Variants in STK38L observed in about 807,000 individuals in gnomAD.
The protein encoded by STK38L is serine/threonine kinase 38 like.
Under a neutral mutation model 59.7 loss-of-function variants are expected in STK38L, and 28 were observed. The observed-to-expected ratio is 0.47, with a 90% CI of 0.35 to 0.64. The LOEUF is 0.64. STK38L is among the 30% of genes least tolerant of loss of function. STK38L has a pLI of 0.01. For missense variants in STK38L, 314 were observed against 555.8 expected (o/e 0.56, Z 4.37); for synonymous variants, 162 against 176.8 (o/e 0.92, Z 0.66).
At chr12:27,255,106 A>T (rs1943064092) in intron 1 of STK38L, among the ~76,000 whole-genome samples, 1 of 152,236 alleles carries the variant, frequency 6.6e-6, no homozygotes, top group Non-Finnish European at 1.5e-5. Context: ...ACATTTCTGA[A>T]ATGTAGTTAA....
intron 5 of STK38L, among the ~76,000 whole-genome samples, chr12:27,310,183 G>T (rs1944422365): frequency 6.6e-6 from 1 of 152,168 alleles, no homozygotes; most frequent in South Asian, 2.1e-4. Flanking sequence ...AGGAGACAGG[G>T]TTATAGGGGA....
intron 1 of STK38L, among the ~76,000 whole-genome samples, chr12:27,288,470 G>A (rs1286241429): frequency 6.6e-6 from 1 of 152,002 alleles, no homozygotes; most frequent in African/African-American, 2.4e-5. Context: ...GCAAAGGGAA[G>A]GATAGATCCT....
At chr12:27,274,722 G>A (rs76830044) in intron 1 of STK38L, among the ~76,000 whole-genome samples, 9,364 of 152,230 alleles carry the variant, frequency 0.062, 322 homozygotes, top group Middle Eastern at 0.14. Flanking sequence ...AAGACAGAGG[G>A]AGAAATAACT....
At chr12:27,298,606 A>G (rs924884437) in intron 2 of STK38L, among the ~76,000 whole-genome samples, 1 of 152,206 alleles carries the variant, frequency 6.6e-6, no homozygotes, top group Non-Finnish European at 1.5e-5. Context: ...AAGAGTGAAG[A>G]ATATTAAGTA....
Position 27,322,436 on chromosome 12 carries a change from T to A in STK38L, c.1376T>A (p.Met459Lys), listed in dbSNP as rs367624705. 1.7e-5 allele frequency: 27 copies of A among 1,613,008 alleles called. No individual in the cohort carries two copies. The highest frequency in any genetic ancestry group is 2.3e-5 in the Non-Finnish European group (27 of 1,179,704). The change falls in exon 14 of 14, where the codon ATG becomes AAG. Residue 459 changes from methionine to lysine, a missense_variant. Met to Lys is a moderately conservative substitution (Grantham distance 95). Around this residue, in one of 3 missense-constraint regions of STK38L, gnomAD observed 94 missense variants for 142.2 expected, o/e 0.66. Coordinates refer to ENST00000389032, the MANE Select transcript of STK38L (RefSeq NM_015000.4). ...CAACGTGGCTCTATCCCCACCTACA[T>A]GAAAGCTGGGAAGTTATGAATGAAG... The part of the protein sequence containing the change: ...LTQRGSIPTY[M>K]KAGKL
intron 2 of STK38L, among the ~76,000 whole-genome samples, chr12:27,300,790 G>C (rs1944149355): frequency 6.6e-6 from 1 of 152,184 alleles, no homozygotes; most frequent in African/African-American, 2.4e-5. Context: ...CTCCAGTGGG[G>C]TGCTGATGTA....
intron 1 of STK38L, among the ~76,000 whole-genome samples, chr12:27,277,455 TTAAA>T (rs1405089137): frequency 6.6e-5 from 10 of 150,448 alleles, no homozygotes; most frequent in African/African-American, 2.0e-4. Flanking sequence ...CCTCAAAGGG[TTAAA>T]TAGTCTTTAA....
Position 27,325,356 on chromosome 12 carries a change from A to T in STK38L, c.*2901A>T, listed in dbSNP as rs1051837215. The T allele has an allele frequency of 3.9e-5, 6 of 152,138 alleles. No individual in the cohort carries two copies. Among genetic ancestry groups the T allele is most frequent in the Admixed American group, 2.0e-4 (3 of 15,280 alleles). 9.4% of individuals were successfully genotyped at this position (152,138 alleles called of 1,614,324 possible). A position where few individuals can be genotyped will look rare whatever the true frequency, so the allele number is the denominator to read the frequency against. ...GTTTTTTAAACACCTGCATATTTTT[A>T]TGTAAATCTCTAAATTTAAAATATT... On this transcript the variant is annotated 3_prime_UTR_variant, in exon 14 of 14. Coordinates refer to ENST00000389032, the MANE Select transcript of STK38L (RefSeq NM_015000.4).
At chr12:27,270,345 C>G in intron 1 of STK38L, among the ~76,000 whole-genome samples, 1 of 151,766 alleles carries the variant, frequency 6.6e-6, no homozygotes, top group East Asian at 1.9e-4. Context: ...GTAGCTGGGT[C>G]TACCAGTGTG....
Position 27,308,235 on chromosome 12 carries a change from T to A in STK38L, c.187-104T>A. On this transcript the variant is annotated intron_variant, in intron 3 of 13. Transcript: ENST00000389032. This position sits in a 1 kb window ranked among gnomAD's most constrained non-coding sequence, Gnocchi z 4.5. ...TTTAGCCTAATAGTATATTACATAT[T>A]AGTGCTATCATTTATTTTTACGTGT... The A allele has an allele frequency of 8.9e-7, 1 of 1,118,172 alleles. No homozygotes were observed. Among genetic ancestry groups the A allele is most frequent in the Non-Finnish European group, 1.2e-6 (1 of 832,038 alleles). 69.3% of individuals were successfully genotyped at this position (1,118,172 alleles called of 1,614,324 possible).
At chr12:27,317,516 C>A in intron 10 of STK38L, 63 bp downstream of exon 10, 1 of 1,271,420 alleles carries the variant, frequency 7.9e-7, no homozygotes, top group Non-Finnish European at 1.1e-6. Flanking sequence ...ATTGTTTGAA[C>A]ATATTACAGA....
intron 2 of STK38L, chr12:27,298,119 G>A (rs1179442571): frequency 2.9e-6 from 1 of 341,546 alleles, no homozygotes; most frequent in African/African-American, 2.1e-5. Flanking sequence ...ATGAAATTAT[G>A]ATATGTCTTT....
intron 2 of STK38L, among the ~76,000 whole-genome samples, chr12:27,299,697 T>C (rs1944115952): frequency 6.6e-6 from 1 of 152,080 alleles, no homozygotes; most frequent in Non-Finnish European, 1.5e-5. Flanking sequence ...AGCTTCAGAG[T>C]TTGACAAATT....
intron 1 of STK38L, among the ~76,000 whole-genome samples, chr12:27,268,119 A>T (rs1565528718): frequency 2.0e-5 from 3 of 151,512 alleles, no homozygotes; most frequent in African/African-American, 7.3e-5. Context: ...TGTGATGCTA[A>T]TTTTTTTTTA....
chr12:27,271,795 G>A (rs779152715), intron 1 of STK38L, among the ~76,000 whole-genome samples: 6 of 152,202 alleles, frequency 3.9e-5, no homozygotes, highest in Non-Finnish European at 7.3e-5. Flanking sequence ...CGCCTCATGA[G>A]TTCAAGAGAT....
chr12:27,284,502 C>T (rs370928306), intron 1 of STK38L, among the ~76,000 whole-genome samples: 130 of 152,250 alleles, frequency 8.5e-4, no homozygotes, highest in African/African-American at 2.9e-3. Context: ...ATTTTATCAG[C>T]CTTGCCTCTT....
intron 1 of STK38L, among the ~76,000 whole-genome samples, chr12:27,265,351 T>C (rs1161799088): frequency 6.6e-6 from 1 of 152,224 alleles, no homozygotes; most frequent in Non-Finnish European, 1.5e-5. Context: ...ATGTCATGAA[T>C]TATGGCTTGC....
At chr12:27,297,058 G>A (rs1300600141) in intron 1 of STK38L, 1 of 152,150 alleles carries the variant, frequency 6.6e-6, no homozygotes, top group African/African-American at 2.4e-5. Flanking sequence ...AAAATGAAAT[G>A]GGCTGCACAG....
rs575084651 is a variant in STK38L, at chr12:27,259,261, T to TTG, written c.-12+14931_-12+14932dup. Among the ~76,000 whole-genome samples the TTG allele has an allele frequency of 3.3e-5, 5 of 152,328 alleles. No individual in the cohort carries two copies. In the South Asian group the frequency reaches 1.0e-3, roughly 32 times the overall value. ...TCCTCACTCTGAAAGATGGAGTACTTTGTCTCCTGTCTTAACCTCTTTGGT... is the reference window on the plus strand; with the variant it reads ...TCCTCACTCTGAAAGATGGAGTACTTTGTGTCTCCTGTCTTAACCTCTTTGGT... On this transcript the variant is annotated intron_variant, in intron 1 of 13. Coordinates refer to ENST00000389032, the MANE Select transcript of STK38L (RefSeq NM_015000.4).
Sources: allele counts gnomAD v4.1 joint callset (sites outside exome capture counted in the v4.1 genomes callset), GRCh38; gene constraint gnomAD v4.1.1; regional missense constraint gnomAD v4.1.1; non-coding constraint Gnocchi (gnomAD v3.1); transcripts MANE v1.5; gene names NCBI Gene and HGNC (gene_info 2026-07-23, HGNC 2026-07-21).